Variants in JARID2 observed in about 807,000 individuals in gnomAD.
JARID2 encodes the protein protein Jumonji.
A neutral mutation model predicts 125.6 loss-of-function variants in JARID2; 21 were observed. The observed-to-expected ratio is 0.17, with a 90% confidence interval of 0.12 to 0.24. The LOEUF (loss-of-function observed/expected upper bound fraction) is 0.24. Among genes scored for constraint, JARID2 ranks in the 10% least tolerant of loss-of-function variants. The pLI, the probability that JARID2 is intolerant of heterozygous loss-of-function variation, is 1.00. For synonymous variants in JARID2, 736 were observed against 661.6 expected (o/e 1.11, Z -1.73); for missense variants, 1,303 against 1,639.6 (o/e 0.79, Z 3.55).
At chr6:15,302,447 T>C (rs1218873257) in intron 1 of JARID2, among the ~76,000 whole-genome samples, 2 of 152,120 alleles carry the variant, frequency 1.3e-5, no homozygotes, top group Non-Finnish European at 2.9e-5. Context: ...AGAGAAAGCT[T>C]TCCATTGTTG....
intron 2 of JARID2, among the ~76,000 whole-genome samples, chr6:15,383,803 A>G (rs1289178821): frequency 4.0e-4 from 60 of 151,838 alleles, no homozygotes. Context: ...TGATTTTATT[A>G]TTTTATTTTT....
At chr6:15,314,636 T>C (rs1762121125) in intron 1 of JARID2, among the ~76,000 whole-genome samples, 1 of 152,176 alleles carries the variant, frequency 6.6e-6, no homozygotes, top group Non-Finnish European at 1.5e-5. Context: ...ACCCTGGAGA[T>C]ACAGTTGAGG....
At chr6:15,440,899 G>C (rs1053501689) in intron 3 of JARID2, among the ~76,000 whole-genome samples, 19 of 152,332 alleles carry the variant, frequency 1.2e-4, no homozygotes, top group African/African-American at 2.2e-4. Context: ...CAATGTGTCA[G>C]TTATAGTGAA....
At chr6:15,330,323 C>G (rs1406656261) in intron 1 of JARID2, among the ~76,000 whole-genome samples, 2 of 152,224 alleles carry the variant, frequency 1.3e-5, no homozygotes, top group East Asian at 3.9e-4. Flanking sequence ...ACATTATAAG[C>G]CTGCGCACTC....
chr6:15,335,388 C>T (rs897789370), intron 1 of JARID2, among the ~76,000 whole-genome samples: 1 of 152,170 alleles, frequency 6.6e-6, no homozygotes, highest in Non-Finnish European at 1.5e-5. Context: ...GTGTGAGCCA[C>T]TGCTCCTGGC....
At chr6:15,490,396 C>T (rs2127723038) in intron 6 of JARID2, among the ~76,000 whole-genome samples, 1 of 152,250 alleles carries the variant, frequency 6.6e-6, no homozygotes, top group Middle Eastern at 3.4e-3. Context: ...GTGCATGCAC[C>T]TGTCTTCCAA....
At chr6:15,256,058 T>C (rs1759651510) in intron 1 of JARID2, among the ~76,000 whole-genome samples, 1 of 152,178 alleles carries the variant, frequency 6.6e-6, no homozygotes, top group Non-Finnish European at 1.5e-5. Context: ...CACAGGCTTG[T>C]TGCTGGGAGA....
chr6:15,459,148 C>T (rs899136287), intron 4 of JARID2, among the ~76,000 whole-genome samples: 6 of 152,166 alleles, frequency 3.9e-5, no homozygotes, highest in African/African-American at 1.4e-4. Flanking sequence ...ATAGTTGTTG[C>T]AGAGCTAATG....
intron 5 of JARID2, among the ~76,000 whole-genome samples, chr6:15,475,792 C>A (rs1581617994): frequency 6.6e-6 from 1 of 152,172 alleles, no homozygotes; most frequent in Non-Finnish European, 1.5e-5. Context: ...AGTTTTACTC[C>A]CTCATTTTTT....
intron 1 of JARID2, among the ~76,000 whole-genome samples, chr6:15,337,877 A>C (rs1400814704): frequency 6.6e-6 from 1 of 152,166 alleles, no homozygotes; most frequent in Non-Finnish European, 1.5e-5. Context: ...TTTCAGTCCC[A>C]AACTTGATTC....
intron 1 of JARID2, among the ~76,000 whole-genome samples, chr6:15,356,283 TA>T (rs1426690972): frequency 4.6e-5 from 7 of 152,244 alleles, no homozygotes; most frequent in African/African-American, 1.7e-4. Context: ...GTTCACGTTT[TA>T]CATGAGTGCC....
intron 3 of JARID2, among the ~76,000 whole-genome samples, chr6:15,429,047 A>T (rs1346115136): frequency 1.3e-5 from 2 of 151,052 alleles, no homozygotes; most frequent in East Asian, 3.9e-4. Flanking sequence ...CATCATCCAT[A>T]TGTGATTGTC....
chr6:15,509,841 C>T (rs546600753), intron 12 of JARID2, among the ~76,000 whole-genome samples: 105 of 152,218 alleles, frequency 6.9e-4, no homozygotes, highest in Non-Finnish European at 1.2e-3. Context: ...AAGACTCACT[C>T]CTGGAACCTC....
intron 3 of JARID2, among the ~76,000 whole-genome samples, chr6:15,432,575 G>A (rs994133863): frequency 6.6e-6 from 1 of 152,228 alleles, no homozygotes; most frequent in Non-Finnish European, 1.5e-5. Context: ...ACCCTCTAGA[G>A]GTTTCCCATT....
intron 1 of JARID2, among the ~76,000 whole-genome samples, chr6:15,355,407 A>G (rs1763563181): frequency 6.6e-6 from 1 of 152,162 alleles, no homozygotes; most frequent in South Asian, 2.1e-4. Flanking sequence ...TACATTCTAG[A>G]ACTTTCATAT....
intron 4 of JARID2, among the ~76,000 whole-genome samples, chr6:15,463,284 T>A (rs1169708518): frequency 1.3e-5 from 2 of 152,306 alleles, no homozygotes; most frequent in Non-Finnish European, 2.9e-5. Context: ...TGAGAGTTTG[T>A]AAAGGAGTGA....
chr6:15,420,474 G>T (rs1441991268), intron 3 of JARID2, among the ~76,000 whole-genome samples: 1 of 151,902 alleles, frequency 6.6e-6, no homozygotes, highest in Non-Finnish European at 1.5e-5. Flanking sequence ...TTATTCTTTG[G>T]TGTTTCTTGA....
Position 15,504,603 on chromosome 6 carries a change from G to A in JARID2, c.2541+11G>A, listed in dbSNP as rs752680199. On this transcript the variant is annotated intron_variant, in intron 9 of 17. Transcript: ENST00000341776. ...CCAGCCGAAATCGAGGTGAGAGAAG[G>A]GGCCCCTCACGCTGCCTCTCATGGT... 3 of 1,593,578 alleles carry A rather than the reference G, an allele frequency of 1.9e-6. No homozygotes were observed. The South Asian group carries it at 3.3e-5, about 18-fold the overall frequency.
intron 3 of JARID2, among the ~76,000 whole-genome samples, chr6:15,440,809 G>A (rs1767413601): frequency 6.6e-6 from 1 of 152,210 alleles, no homozygotes; most frequent in Non-Finnish European, 1.5e-5. Context: ...TTTTCCTAAA[G>A]TTCATTAGCT....
Sources: allele counts gnomAD v4.1 joint callset (sites outside exome capture counted in the v4.1 genomes callset), GRCh38; gene constraint gnomAD v4.1.1; transcripts MANE v1.5; gene names NCBI Gene and HGNC (gene_info 2026-07-23, HGNC 2026-07-21).